TULP3: variants seen among roughly 807,000 people sequenced by gnomAD.
TULP3 encodes the protein TUB like protein 3.
TULP3 carries 38 observed loss-of-function variants against 50.7 expected under a neutral mutation model. That is an observed-to-expected ratio of 0.75 (90% CI 0.58 to 0.98). The LOEUF is 0.98. TULP3 is among the 50% of genes least tolerant of loss of function. The pLI is 0.00. For missense variants in TULP3, 550 were observed against 568.0 expected (o/e 0.97, Z 0.32); for synonymous variants, 183 against 196.6 (o/e 0.93, Z 0.58).
At chr12:2,935,818 A>C (rs1354704717) in intron 8 of TULP3, among the ~76,000 whole-genome samples, 2 of 151,710 alleles carry the variant, frequency 1.3e-5, no homozygotes, top group Non-Finnish European at 2.9e-5. Flanking sequence ...AAAATACAAA[A>C]ATTAGCCGGG....
intron 3 of TULP3, among the ~76,000 whole-genome samples, 172 bp from the exon 4 acceptor site, chr12:2,922,090 A>T (rs2098192096): frequency 6.6e-6 from 1 of 152,150 alleles, no homozygotes; most frequent in Non-Finnish European, 1.5e-5. Flanking sequence ...CTCAGAAAAA[A>T]AGAACACCAG....
chr12:2,930,370 A>T, intron 5 of TULP3, 25 bp downstream of exon 5: 1 of 1,447,718 alleles, frequency 6.9e-7, no homozygotes, highest in African/African-American at 1.4e-5. Context: ...AACTTCTTCC[A>T]TTAGAGCTAA....
At chr12:2,894,059 G>A (rs895537145) in intron 1 of TULP3, among the ~76,000 whole-genome samples, 1 of 152,124 alleles carries the variant, frequency 6.6e-6, no homozygotes, top group Admixed American at 6.6e-5. Context: ...GATGACGGGG[G>A]TTGGCTGGTG....
chr12:2,922,165 T>C, intron 3 of TULP3, 97 bp from the exon 4 acceptor site: 3 of 1,384,782 alleles, frequency 2.2e-6, no homozygotes, highest in Middle Eastern at 3.8e-4. Flanking sequence ...ATAAAATGAT[T>C]TGGTAGTTCT....
chr12:2,928,445 G>A (rs546621668), intron 4 of TULP3, among the ~76,000 whole-genome samples: 4 of 152,042 alleles, frequency 2.6e-5, no homozygotes, highest in African/African-American at 4.8e-5. Context: ...CAGGAGAATC[G>A]CTTGAACCTA....
At chr12:2,922,621 A>T (rs2098192404) in intron 4 of TULP3, among the ~76,000 whole-genome samples, 2 of 152,172 alleles carry the variant, frequency 1.3e-5, no homozygotes, top group Admixed American at 1.3e-4. Context: ...AGATAATTAA[A>T]TATAAAATAC....
At chr12:2,935,226 G>A (rs1221473254) in intron 8 of TULP3, among the ~76,000 whole-genome samples, 1 of 152,102 alleles carries the variant, frequency 6.6e-6, no homozygotes. Context: ...CAGCCCTCCT[G>A]TCATTCCTTT....
chr12:2,924,495 T>C (rs1318290150), intron 4 of TULP3, among the ~76,000 whole-genome samples: 4 of 151,400 alleles, frequency 2.6e-5, no homozygotes, highest in African/African-American at 7.3e-5. Context: ...CAGGGCAACA[T>C]AGCAAGACCC....
At position 2,911,664 on chromosome 12, in the gene TULP3, C is replaced by CTTTTTTTTT. The variant is rs56027951; in HGVS notation, c.93+2119_93+2127dup. Among the ~76,000 whole-genome samples, 75 of 38,164 alleles carry CTTTTTTTTT rather than the reference C, an allele frequency of 2.0e-3. 5 individuals carry two copies. The highest frequency in any genetic ancestry group is 2.7e-3 in the Non-Finnish European group (53 of 19,590). The allele number at this position is 38,164 out of a possible 152,430, so 25.0% of individuals were successfully genotyped here. ...ACAGGCGTGAGCCACTGCGCCCAGC[C>CTTTTTTTTT]TTTTTTTTTTTTTTTTTTTTTTTTT... On this transcript the variant is annotated intron_variant, in intron 2 of 10. Coordinates refer to ENST00000448120, the MANE Select transcript of TULP3 (RefSeq NM_003324.5).
Position 2,890,921 on chromosome 12 carries a change from G to T in TULP3, c.-27G>T. 6.3e-7 allele frequency: 1 copy of T among 1,587,778 alleles called. No homozygotes were observed. The highest frequency in any genetic ancestry group is 8.6e-7 in the Non-Finnish European group (1 of 1,167,448). ...AGCGACGGCGGGGAAGAGTGTGTAC[G>T]TGGTGGGGGCTTCCTCGGTGGCGGG... On this transcript the variant is annotated 5_prime_UTR_variant, in exon 1 of 11. Transcript: ENST00000448120.
At chr12:2,933,236 CT>C (rs1277479878) in intron 6 of TULP3, among the ~76,000 whole-genome samples, 181 bp from the exon 7 acceptor site, 1 of 152,108 alleles carries the variant, frequency 6.6e-6, no homozygotes, top group Admixed American at 6.6e-5. Context: ...CCACCACACC[CT>C]GCCTGATAGT....
At chr12:2,896,707 A>G (rs894231831) in intron 1 of TULP3, among the ~76,000 whole-genome samples, 2 of 152,178 alleles carry the variant, frequency 1.3e-5, no homozygotes, top group African/African-American at 4.8e-5. Context: ...TAAATCTACA[A>G]GGTAGGTGCT....
intron 4 of TULP3, among the ~76,000 whole-genome samples, chr12:2,922,605 AAAAG>A (rs1338758967): frequency 6.6e-6 from 1 of 152,190 alleles, no homozygotes; most frequent in African/African-American, 2.4e-5. Context: ...TTGCCTGAGA[AAAAG>A]AAGATAATTA....
At chr12:2,906,134 G>A (rs1308254291) in intron 1 of TULP3, among the ~76,000 whole-genome samples, 1 of 150,358 alleles carries the variant, frequency 6.7e-6, no homozygotes, top group Non-Finnish European at 1.5e-5. Flanking sequence ...AGGTTCACAC[G>A]ATTCTCCTGC....
At chr12:2,892,203 T>C (rs115502094) in intron 1 of TULP3, among the ~76,000 whole-genome samples, 1,766 of 152,328 alleles carry the variant, frequency 0.012, 37 homozygotes, top group African/African-American at 0.04. Flanking sequence ...GAACATGTAT[T>C]TTCCTTTTTC....
At chr12:2,934,021 G>T (rs2098199712) in intron 7 of TULP3, among the ~76,000 whole-genome samples, 1 of 152,210 alleles carries the variant, frequency 6.6e-6, no homozygotes, top group Admixed American at 6.5e-5. Context: ...GGCTGAGGTG[G>T]AGGATCACTT....
intron 1 of TULP3, among the ~76,000 whole-genome samples, chr12:2,892,562 A>G (rs2098172797): frequency 6.6e-6 from 1 of 151,612 alleles, no homozygotes; most frequent in Non-Finnish European, 1.5e-5. Flanking sequence ...GCCAGGCGGT[A>G]GTGCAGTGGT....
intron 2 of TULP3, 60 bp downstream of exon 2, chr12:2,909,640 G>A: frequency 6.6e-7 from 1 of 1,504,886 alleles, no homozygotes; most frequent in Non-Finnish European, 9.0e-7. Flanking sequence ...GATGCTGATG[G>A]TCTTGGCTCT....
chr12:2,935,131 A>T (rs879581522), intron 8 of TULP3, among the ~76,000 whole-genome samples: 2 of 152,118 alleles, frequency 1.3e-5, no homozygotes, highest in African/African-American at 4.8e-5. Flanking sequence ...TTTAGTGACT[A>T]CCCATTGTGT....
Sources: allele counts gnomAD v4.1 joint callset (sites outside exome capture counted in the v4.1 genomes callset), GRCh38; gene constraint gnomAD v4.1.1; transcripts MANE v1.5; gene names NCBI Gene and HGNC (gene_info 2026-07-23, HGNC 2026-07-21).